The following USP6NL variants were observed in gnomAD, a reference collection of about 807,000 sequenced individuals.
USP6NL encodes the protein USP6 N-terminal like.
In USP6NL, 26 loss-of-function variants were observed where a neutral mutation model predicts 61.9. The ratio of observed to expected loss-of-function variants is 0.42; its 90% confidence interval spans 0.31 to 0.58. The LOEUF is 0.58. Among genes scored for constraint, USP6NL ranks in the 20% least tolerant of loss-of-function variants. USP6NL has a pLI of 0.16. For synonymous variants in USP6NL, 432 were observed against 390.1 expected, an observed-to-expected ratio of 1.11 and a Z score of -1.27; for missense variants, 1,114 against 1,034.3, an observed-to-expected ratio of 1.08 and a Z score of -1.06.
chr10:11,484,189 C>A (rs1030169912), intron 13 of USP6NL, among the ~76,000 whole-genome samples: 1 of 152,080 alleles, frequency 6.6e-6, no homozygotes. Flanking sequence ...AGTACGTGTA[C>A]GTATGAAGCT....
At position 11,484,993 on chromosome 10, in the gene USP6NL, G is replaced by A. The variant is rs576305245; in HGVS notation, c.903C>T (p.Tyr301=). 1.4e-5 allele frequency: 21 copies of A among 1,547,768 alleles called. No homozygotes were observed. Among genetic ancestry groups the A allele is most frequent in the African/African-American group, 6.8e-5 (5 of 73,010 alleles). Residue 301 remains tyrosine (Y), a synonymous_variant, in exon 13 of 15, where the codon TAC becomes TAT. Coordinates refer to ENST00000609104, the MANE Select transcript of USP6NL (RefSeq NM_014688.5). ...EGERVLTAMS[Y]TILKLHKKHL... is the part of the protein sequence containing the mutation. The stretch of plus-strand genomic sequence containing the variant: ...TACTTTTGTGTAATTTTAAGATGGT[G>A]TAAGACATAGCAGTAAGAACTCGTT...
intron 2 of USP6NL, among the ~76,000 whole-genome samples, chr10:11,593,347 T>A (rs1838218436): frequency 6.6e-6 from 1 of 152,072 alleles, no homozygotes; most frequent in Non-Finnish European, 1.5e-5. Flanking sequence ...TTTCACTTAG[T>A]TTTTTTTAAA....
intron 2 of USP6NL, among the ~76,000 whole-genome samples, chr10:11,538,049 GTAGA>G (rs1381683228): frequency 6.6e-6 from 1 of 152,144 alleles, no homozygotes; most frequent in Non-Finnish European, 1.5e-5. Context: ...CTTGCGTCAG[GTAGA>G]TATTTAATAT....
intron 4 of USP6NL, among the ~76,000 whole-genome samples, chr10:11,521,951 GAT>G (rs1051849462): frequency 6.6e-6 from 1 of 152,146 alleles, no homozygotes; most frequent in Non-Finnish European, 1.5e-5. Context: ...GACTATTTTT[GAT>G]TAAAATGTTA....
In USP6NL at chr10:11,591,706, G is replaced by A. The variant is rs970769309; in HGVS notation, c.4+5925C>T. ...GATAAATCTCACCAAAAGGTATATG[G>A]AAATTTGGGGTACTATTTTTACAAC... On this transcript the variant is annotated intron_variant, in intron 2 of 14. Coordinates refer to ENST00000609104, the MANE Select transcript of USP6NL (RefSeq NM_014688.5). This position sits in a 1 kb window ranked among gnomAD's most constrained non-coding sequence, Gnocchi z 4.7. Among the ~76,000 whole-genome samples the A allele has an allele frequency of 6.6e-6, 1 of 152,060 alleles. No individual in the cohort carries two copies. Among genetic ancestry groups the A allele is most frequent in the Non-Finnish European group, 1.5e-5 (1 of 68,010 alleles).
At chr10:11,519,124 G>A (rs549740410) in intron 4 of USP6NL, among the ~76,000 whole-genome samples, 1 of 151,918 alleles carries the variant, frequency 6.6e-6, no homozygotes, top group East Asian at 1.9e-4. Context: ...TAAATCAAGT[G>A]TGGCTCTGTT....
In USP6NL at chr10:11,525,325, T is replaced by A. The variant is rs1835371215; in HGVS notation, c.155+61A>T. On this transcript the variant is annotated intron_variant, in intron 4 of 14. Coordinates refer to ENST00000609104, the MANE Select transcript of USP6NL (RefSeq NM_014688.5). This position sits in a 1 kb window ranked among gnomAD's most constrained non-coding sequence, Gnocchi z 5.0. ...ATATTAAAAATAAAGAAAATCAATATAATAGGTGACCACAGAAACGTTATA... is the reference window on the plus strand; with the variant it reads ...ATATTAAAAATAAAGAAAATCAATAAAATAGGTGACCACAGAAACGTTATA... 6 of 1,341,832 alleles carry A rather than the reference T, an allele frequency of 4.5e-6. No homozygotes were observed. Among genetic ancestry groups the A allele is most frequent in the Non-Finnish European group, 6.2e-6 (6 of 968,558 alleles). 83.1% of individuals were successfully genotyped at this position (1,341,832 alleles called of 1,614,324 possible). A position where few individuals can be genotyped will look rare whatever the true frequency, so the allele number is the denominator to read the frequency against.
At position 11,544,517 on chromosome 10, in the gene USP6NL, C is replaced by T. The variant is rs551643672; in HGVS notation, c.5-16950G>A. On this transcript the variant is annotated intron_variant, in intron 2 of 14. Coordinates refer to ENST00000609104, the MANE Select transcript of USP6NL (RefSeq NM_014688.5). ...TCTTTTTTTTTTTAAGACAGAATTT[C>T]GCTCTTGTCGCACAGGCTGGAGTGC... 4.6e-5 allele frequency among the ~76,000 whole-genome samples: 7 copies of T among 151,754 alleles called. 1 individual carries two copies. The East Asian group carries it at 5.8e-4, about 13-fold the overall frequency.
Position 11,513,106 on chromosome 10 carries a change from T to C in USP6NL, c.196-3431A>G, listed in dbSNP as rs374823316. On this transcript the variant is annotated intron_variant, in intron 5 of 14. Transcript: ENST00000609104. The surrounding 1 kb of genome is among the most constrained non-coding windows in gnomAD (Gnocchi z 4.7). ...TTATCACCTAAAACAGTGGTTGTTA[T>C]ATAAGAAAAGTTAAACATTTAAAAA... 1.3e-5 allele frequency among the ~76,000 whole-genome samples: 2 copies of C among 152,318 alleles called. No homozygotes were observed. The highest frequency in any genetic ancestry group is 4.1e-4 in the South Asian group (2 of 4,832).
In USP6NL at chr10:11,481,717, T is replaced by C. The variant is rs1833206837; in HGVS notation, c.1078+53A>G. On this transcript the variant is annotated intron_variant, in intron 14 of 14. Transcript: ENST00000609104. The surrounding 1 kb of genome is among the most constrained non-coding windows in gnomAD (Gnocchi z 4.4). ...GAAACAGCCCATGTTAATTATGCCA[T>C]GTCTTCCAATCTTAATTATAACGTA... The C allele has an allele frequency of 6.5e-7, 1 of 1,526,866 alleles. No individual in the cohort carries two copies. The highest frequency in any genetic ancestry group is 2.1e-5 in the Admixed American group (1 of 47,388). The allele number at this position is 1,526,866 out of a possible 1,614,324, so 94.6% of individuals were successfully genotyped here. A position where few individuals can be genotyped will look rare whatever the true frequency, so the allele number is the denominator to read the frequency against.
chr10:11,583,770 G>A (rs1325869716), intron 2 of USP6NL, among the ~76,000 whole-genome samples: 1 of 152,196 alleles, frequency 6.6e-6, no homozygotes, highest in East Asian at 1.9e-4. Context: ...ACTCATGCCT[G>A]TAATCCCAGT....
Position 11,548,616 on chromosome 10 carries a change from C to T in USP6NL, c.5-21049G>A, listed in dbSNP as rs575638554. 1.3e-5 allele frequency among the ~76,000 whole-genome samples: 2 copies of T among 152,236 alleles called. No individual in the cohort carries two copies. Among genetic ancestry groups the T allele is most frequent in the East Asian group, 3.9e-4 (2 of 5,180 alleles). On this transcript the variant is annotated intron_variant, in intron 2 of 14. Coordinates refer to ENST00000609104, the MANE Select transcript of USP6NL (RefSeq NM_014688.5). This position sits in a 1 kb window ranked among gnomAD's most constrained non-coding sequence, Gnocchi z 4.3. ...CAACAATTGTAACTAAATTTTCACC[C>T]TAGCCACTGAAAAACTGCTGAATAA... is the stretch of plus-strand genomic sequence containing the variant.
rs1835780350 is a variant in USP6NL, at chr10:11,535,019, T to C, written c.5-7452A>G. Among the ~76,000 whole-genome samples the C allele has an allele frequency of 1.3e-5, 2 of 152,312 alleles. 1 individual carries two copies. The highest frequency in any genetic ancestry group is 6.8e-3 in the Middle Eastern group (2 of 294). On this transcript the variant is annotated intron_variant, in intron 2 of 14. Coordinates refer to ENST00000609104, the MANE Select transcript of USP6NL (RefSeq NM_014688.5). ...ACACCCACAAATATTTAATCTCCCA[T>C]TTTATTCAAAAACTAGAATCATTCT...
At chr10:11,509,413 G>A (rs566975855) in intron 6 of USP6NL, among the ~76,000 whole-genome samples, 182 bp downstream of exon 6, 8 of 152,232 alleles carry the variant, frequency 5.3e-5, no homozygotes, top group South Asian at 4.1e-4. Context: ...AAACCAATCC[G>A]AATCGGGTAT....
chr10:11,590,177 C>T (rs982232528), intron 2 of USP6NL, among the ~76,000 whole-genome samples: 2 of 152,104 alleles, frequency 1.3e-5, no homozygotes, highest in African/African-American at 4.8e-5. Context: ...CTTTCTAACC[C>T]GTAGCTTTAA....
At position 11,585,581 on chromosome 10, in the gene USP6NL, G is replaced by A. The variant is rs116178080; in HGVS notation, c.4+12050C>T. On this transcript the variant is annotated intron_variant, in intron 2 of 14. Transcript: ENST00000609104. The surrounding 1 kb of genome is among the most constrained non-coding windows in gnomAD (Gnocchi z 4.5). ...GGAGGCTGAGGAACGGGAATGGCGCGAACCCGGGATGCGGAGCTTTCAGTG... is the reference window on the plus strand; with the variant it reads ...GGAGGCTGAGGAACGGGAATGGCGCAAACCCGGGATGCGGAGCTTTCAGTG... Among the ~76,000 whole-genome samples the A allele has an allele frequency of 0.011, 1,623 of 152,178 alleles. 34 individuals are homozygous for A. Among genetic ancestry groups the A allele is most frequent in the African/African-American group, 0.034 (1,421 of 41,516 alleles).
rs1300358153 is a variant in USP6NL at position 11,598,561 on chromosome 10, T to A, written c.-83-844A>T. Among the ~76,000 whole-genome samples the A allele has an allele frequency of 6.6e-6, 1 of 152,190 alleles. No homozygotes were observed. The highest frequency in any genetic ancestry group is 1.5e-5 in the Non-Finnish European group (1 of 68,026). On this transcript the variant is annotated intron_variant, in intron 1 of 14. Transcript: ENST00000609104. The surrounding 1 kb of genome is among the most constrained non-coding windows in gnomAD (Gnocchi z 4.7). The stretch of plus-strand genomic sequence containing the variant: ...AACCATGGATGCACAAATGCCTACC[T>A]AAATCTATCATATAAAATTCCACAG...
At position 11,532,020 on chromosome 10, in the gene USP6NL, T is replaced by TCA. The variant is rs1225769615; in HGVS notation, c.5-4455_5-4454dup. Among the ~76,000 whole-genome samples, 2 of 152,216 alleles carry TCA rather than the reference T, an allele frequency of 1.3e-5. No homozygotes were observed. Among genetic ancestry groups the TCA allele is most frequent in the African/African-American group, 4.8e-5 (2 of 41,460 alleles). On this transcript the variant is annotated intron_variant, in intron 2 of 14. Transcript: ENST00000609104. The surrounding 1 kb of genome is among the most constrained non-coding windows in gnomAD (Gnocchi z 4.1). ...TAAAAGCAGGTATTGTATCTTAATGTCACTAAATTAGCACCAAACTGCAAT... is the reference window on the plus strand; with the variant it reads ...TAAAAGCAGGTATTGTATCTTAATGTCACACTAAATTAGCACCAAACTGCAAT...
intron 2 of USP6NL, among the ~76,000 whole-genome samples, chr10:11,582,869 G>A (rs1483688221): frequency 6.6e-6 from 1 of 150,502 alleles, no homozygotes; most frequent in Non-Finnish European, 1.5e-5. Context: ...TTAATCTACT[G>A]ACTGTACAGA....
Sources: gnomAD v4.1 joint callset for allele counts (sites outside exome capture counted in the v4.1 genomes callset) on GRCh38, gnomAD v4.1.1 for gene constraint, Gnocchi (gnomAD v3.1) non-coding constraint, MANE v1.5 for transcripts, NCBI Gene and HGNC (gene_info 2026-07-23, HGNC 2026-07-21) for gene names.